The following TMEM43 variants were observed in gnomAD, a reference collection of about 807,000 sequenced individuals.
The protein encoded by TMEM43 is transmembrane protein 43.
Under a neutral mutation model 49.6 loss-of-function variants are expected in TMEM43, and 45 were observed. The observed-to-expected ratio is 0.91, with a 90% CI of 0.71 to 1.16. The LOEUF is 1.16. Ranked by LOEUF, TMEM43 falls within the 50% of genes most tolerant of loss-of-function variation. The pLI is 0.00. For missense variants in TMEM43, 532 were observed against 516.6 expected, an observed-to-expected ratio of 1.03 and a Z score of -0.29; for synonymous variants, 199 against 207.8, an observed-to-expected ratio of 0.96 and a Z score of 0.36.
rs1299609465 is a variant in TMEM43 at position 14,125,061 on chromosome 3, C to A, written c.-133C>A. 14 of 1,188,760 alleles carry A rather than the reference C, an allele frequency of 1.2e-5. No individual in the cohort carries two copies. In the East Asian group the frequency reaches 3.5e-4, roughly 30 times the overall value. The allele number at this position is 1,188,760 out of a possible 1,614,324, so 73.6% of individuals were successfully genotyped here. A position where few individuals can be genotyped will look rare whatever the true frequency, so the allele number is the denominator to read the frequency against. On this transcript the variant is annotated 5_prime_UTR_variant, in exon 1 of 12. Coordinates refer to ENST00000306077, the MANE Select transcript of TMEM43 (RefSeq NM_024334.3). ...ACAGGGGGAGGTAACTGCAGTAAGTCCCGCTTGGCCCTGGAGTCCACGCGG... is the reference window on the plus strand; with the variant it reads ...ACAGGGGGAGGTAACTGCAGTAAGTACCGCTTGGCCCTGGAGTCCACGCGG...
Position 14,143,668 on chromosome 3 carries a change from T to C in TMEM43, c.*1873T>C, listed in dbSNP as rs1695286295. ...TTTTTATTAAAAGTTTTGTAATAAA[T>C]TTCTAAATTATCTTCTGGTGTGGGA... On this transcript the variant is annotated 3_prime_UTR_variant, in exon 12 of 12. Transcript: ENST00000306077. 6.6e-6 allele frequency: 1 copy of C among 152,188 alleles called. No individual in the cohort carries two copies. The highest frequency in any genetic ancestry group is 2.4e-5 in the African/African-American group (1 of 41,450). The allele number at this position is 152,188 out of a possible 1,614,324, so 9.4% of individuals were successfully genotyped here. A position where few individuals can be genotyped will look rare whatever the true frequency, so the allele number is the denominator to read the frequency against.
chr3:14,130,955 A>C lies in TMEM43; in HGVS notation c.296A>C (p.Lys99Thr), dbSNP rs199943048. ...VHIIGALRTS[K>T]LLSDPNYGVH... Reference sequence around the variant, plus strand: ...ATCATTGGCGCCTTACGGACATCCAAGGTAGGTTTGGCAGGGGATGCTGAC... The same window carrying C: ...ATCATTGGCGCCTTACGGACATCCACGGTAGGTTTGGCAGGGGATGCTGAC... Residue 99 changes from lysine to threonine, a missense_variant and splice_region_variant, in exon 3 of 12, where the codon AAG becomes ACG. Coordinates refer to ENST00000306077, the MANE Select transcript of TMEM43 (RefSeq NM_024334.3). 1.9e-6 allele frequency: 3 copies of C among 1,609,284 alleles called. No individual in the cohort carries two copies. The African/African-American group carries it at 4.0e-5, about 22-fold the overall frequency.
At chr3:14,130,326 A>G (rs1304485047) in intron 2 of TMEM43, among the ~76,000 whole-genome samples, 2 of 151,842 alleles carry the variant, frequency 1.3e-5, no homozygotes, top group Non-Finnish European at 2.9e-5. Flanking sequence ...ACTCAGGTAA[A>G]CCACATGGGC....
chr3:14,125,860 C>T (rs1385629453), intron 1 of TMEM43, among the ~76,000 whole-genome samples: 1 of 152,192 alleles, frequency 6.6e-6, no homozygotes, highest in Non-Finnish European at 1.5e-5. Flanking sequence ...CCTCTTCTCC[C>T]TGCAACTAGC....
rs773764939 is a variant in TMEM43, at chr3:14,130,845, C to G, written c.186C>G (p.Thr62=). Residue 62 remains threonine, a synonymous_variant, in exon 3 of 12, where the codon ACC becomes ACG. Transcript: ENST00000306077. ...TNEGRALKTA[T]SLAEGLSLVV... ...AGGGCCGCGCATTGAAGACGGCAACCTCATTGGCTGAGGGGCTCTCGCTTG... is the reference window on the plus strand; with the variant it reads ...AGGGCCGCGCATTGAAGACGGCAACGTCATTGGCTGAGGGGCTCTCGCTTG... The G allele has an allele frequency of 3.7e-6, 6 of 1,613,868 alleles. No individual in the cohort carries two copies. In the Admixed American group the frequency reaches 1.0e-4, roughly 27 times the overall value.
In TMEM43 at chr3:14,141,723, C is replaced by G; in HGVS notation, c.1131C>G (p.Leu377=). ...GWLFYRPLWA[L]LIAGLALVPI... is the part of the protein sequence containing the mutation. The stretch of plus-strand genomic sequence containing the variant: ...TCTTCTACCGACCCCTGTGGGCCCT[C>G]CTCATTGCCGGCCTGGCCCTTGTGC... Residue 377 remains leucine, a synonymous_variant, in exon 12 of 12, where the codon CTC becomes CTG. Coordinates refer to ENST00000306077, the MANE Select transcript of TMEM43 (RefSeq NM_024334.3). 6.2e-7 allele frequency: 1 copy of G among 1,614,220 alleles called. No individual in the cohort carries two copies. The highest frequency in any genetic ancestry group is 8.5e-7 in the Non-Finnish European group (1 of 1,180,052).
rs548299835 is a variant in TMEM43, at chr3:14,136,141, A to T, written c.882+233A>T. ...ATATACATAATGAGATCTCTTGGGG[A>T]TGAGAACCAAGTCTAAACACAGAAT... On this transcript the variant is annotated intron_variant, in intron 10 of 11. Coordinates refer to ENST00000306077, the MANE Select transcript of TMEM43 (RefSeq NM_024334.3). The T allele has an allele frequency of 2.4e-4, 147 of 621,638 alleles. 1 individual carries two copies. The highest frequency in any genetic ancestry group is 3.9e-4 in the Non-Finnish European group (133 of 339,284). 38.5% of individuals were successfully genotyped at this position (621,638 alleles called of 1,614,324 possible). A position where few individuals can be genotyped will look rare whatever the true frequency, so the allele number is the denominator to read the frequency against.
rs749727938 is a variant in TMEM43, at chr3:14,141,614, G to A, written c.1022G>A (p.Arg341Gln). ...YTLVDWFPVFRDLVNIGLKAF... is the reference protein window; with the variant it reads ...YTLVDWFPVFQDLVNIGLKAF... ...ACAGTGGACTGGTTTCCTGTTTTCC[G>A]AGACCTGGTCAACATTGGCCTGAAA... The change falls in exon 12 of 12, where the codon CGA becomes CAA. Residue 341 changes from arginine to glutamine, a missense_variant. Physicochemically the swap from Arg to Gln is conservative, Grantham distance 43. Coordinates refer to ENST00000306077, the MANE Select transcript of TMEM43 (RefSeq NM_024334.3). 8.1e-6 allele frequency: 13 copies of A among 1,613,984 alleles called. No individual in the cohort carries two copies. The highest frequency in any genetic ancestry group is 8.0e-5 in the African/African-American group (6 of 74,892).
intron 8 of TMEM43, 60 bp downstream of exon 8, chr3:14,134,951 T>G (rs540462307): frequency 3.1e-6 from 5 of 1,609,814 alleles, no homozygotes; most frequent in Non-Finnish European, 4.2e-6. Flanking sequence ...ATCAGGTTCC[T>G]GCGCCAGGCA....
At chr3:14,129,808 G>A (rs1695068988) in intron 2 of TMEM43, among the ~76,000 whole-genome samples, 1 of 152,174 alleles carries the variant, frequency 6.6e-6, no homozygotes. Flanking sequence ...GGCGTAGTTG[G>A]ATCCAGGTGT....
intron 10 of TMEM43, chr3:14,137,953 C>G (rs2731328): frequency 0.16 from 24,166 of 152,168 alleles, 2,393 homozygotes; most frequent in Non-Finnish European, 0.21. Flanking sequence ...TCAGTTTCAT[C>G]ATCTGTAAAG....
At chr3:14,125,282 T>G in intron 1 of TMEM43, 77 bp downstream of exon 1, 2 of 1,531,794 alleles carry the variant, frequency 1.3e-6, no homozygotes, top group South Asian at 1.2e-5. Context: ...GTCCTCTAGG[T>G]CCATTTCGCC....
chr3:14,139,277 C>A lies in TMEM43; in HGVS notation c.980C>A (p.Thr327Lys). The A allele has an allele frequency of 1.2e-6, 2 of 1,614,022 alleles. No individual in the cohort carries two copies. Among genetic ancestry groups the A allele is most frequent in the Non-Finnish European group, 1.7e-6 (2 of 1,179,864 alleles). ...MAMFMGLNLMTRILYTLVDWF... is the reference protein window; with the variant it reads ...MAMFMGLNLMKRILYTLVDWF... Reference sequence around the variant, plus strand: ...ATGTTCATGGGCCTCAACCTTATGACACGGATCCTCTACACCTTGGGTAGG... The same window carrying A: ...ATGTTCATGGGCCTCAACCTTATGAAACGGATCCTCTACACCTTGGGTAGG... The change falls in exon 11 of 12, where the codon ACA becomes AAA. Residue 327 changes from threonine (T) to lysine (K), a missense_variant. Coordinates refer to ENST00000306077, the MANE Select transcript of TMEM43 (RefSeq NM_024334.3).
chr3:14,135,944 A>G lies in TMEM43; in HGVS notation c.882+36A>G, dbSNP rs750133976. 3.9e-6 allele frequency: 6 copies of G among 1,547,216 alleles called. No individual in the cohort carries two copies. In the South Asian group the frequency reaches 6.7e-5, roughly 17 times the overall value. On this transcript the variant is annotated intron_variant, in intron 10 of 11. Transcript: ENST00000306077. Reference sequence around the variant, plus strand: ...TGCCCTACTCGTACGGTGGAGGAACAAGCATGTCCTTCCTTCCTTCCAGTG... The same window carrying G: ...TGCCCTACTCGTACGGTGGAGGAACGAGCATGTCCTTCCTTCCTTCCAGTG...
In TMEM43 at chr3:14,141,958, G is replaced by C; in HGVS notation, c.*163G>C. On this transcript the variant is annotated 3_prime_UTR_variant, in exon 12 of 12. Coordinates refer to ENST00000306077, the MANE Select transcript of TMEM43 (RefSeq NM_024334.3). ...ACTTGGCAGCATGTGCACCAGGTTG[G>C]TGTTCACCAGCTCATGTCTTCCCCA... The C allele has an allele frequency of 1.5e-6, 1 of 667,544 alleles. No homozygotes were observed. Among genetic ancestry groups the C allele is most frequent in the Middle Eastern group, 4.1e-4 (1 of 2,414 alleles). 41.4% of individuals were successfully genotyped at this position (667,544 alleles called of 1,614,324 possible).
rs766205020 is a variant in TMEM43 at position 14,132,947 on chromosome 3, G to A, written c.512+12G>A. 1.4e-5 allele frequency: 22 copies of A among 1,611,318 alleles called. No individual in the cohort carries two copies. Among genetic ancestry groups the A allele is most frequent in the East Asian group, 2.2e-5 (1 of 44,862 alleles). On this transcript the variant is annotated intron_variant, in intron 6 of 11. Transcript: ENST00000306077. ...CACAAAAACCCCAGGTGAGAGCCAG[G>A]CCCAAGGCCTGAGTGCAGCTTTGTC...
Position 14,125,204 on chromosome 3 carries a change from A to T in TMEM43, c.11A>T (p.Asn4Ile). Residue 4 changes from asparagine to isoleucine, a missense_variant and splice_region_variant, in exon 1 of 12, where the codon AAT becomes ATT. Coordinates refer to ENST00000306077, the MANE Select transcript of TMEM43 (RefSeq NM_024334.3). Reference protein sequence around the residue: MAANYSSTSTRREH... With the variant: MAAIYSSTSTRREH... ...GAGCCGGGTCCCACCATGGCCGCGA[A>T]TGTGAGTATCCCCGGGCCAGCCGGG... 6.2e-7 allele frequency: 1 copy of T among 1,610,030 alleles called. No homozygotes were observed. Among genetic ancestry groups the T allele is most frequent in the Non-Finnish European group, 8.5e-7 (1 of 1,179,086 alleles).
rs529568107 is a variant in TMEM43, at chr3:14,136,049, G to A, written c.882+141G>A. 268 of 802,330 alleles carry A rather than the reference G, an allele frequency of 3.3e-4. No individual in the cohort carries two copies. In the African/African-American group the frequency reaches 3.9e-3, roughly 12 times the overall value. The allele number at this position is 802,330 out of a possible 1,614,324, so 49.7% of individuals were successfully genotyped here. ...GAAGAAATAGCGGAATGTTGAGTATGCCTCATCAAAGTGTTTGACCAGGAG... is the reference window on the plus strand; with the variant it reads ...GAAGAAATAGCGGAATGTTGAGTATACCTCATCAAAGTGTTTGACCAGGAG... On this transcript the variant is annotated intron_variant, in intron 10 of 11. Coordinates refer to ENST00000306077, the MANE Select transcript of TMEM43 (RefSeq NM_024334.3).
Position 14,135,251 on chromosome 3 carries a change from G to A in TMEM43, c.780+19G>A, listed in dbSNP as rs2124991426. The A allele has an allele frequency of 1.2e-6, 2 of 1,605,070 alleles. No homozygotes were observed. The highest frequency in any genetic ancestry group is 1.1e-5 in the South Asian group (1 of 90,892). On this transcript the variant is annotated intron_variant, in intron 9 of 11. Transcript: ENST00000306077. ...TCACGTGGTAACCTGGCTTCCCAGG[G>A]GCAGACACTAAGTCAGAGCCTCACG...
Sources: allele counts gnomAD v4.1 joint callset (sites outside exome capture counted in the v4.1 genomes callset), GRCh38; gene constraint gnomAD v4.1.1; transcripts MANE v1.5; gene names NCBI Gene and HGNC (gene_info 2026-07-23, HGNC 2026-07-21).